CAMTA2: variants seen among roughly 807,000 people sequenced by gnomAD.
CAMTA2 encodes the protein calmodulin binding transcription activator 2.
Under a neutral mutation model 135.7 loss-of-function variants are expected in CAMTA2, and 56 were observed. The ratio of observed to expected loss-of-function variants is 0.41; its 90% CI spans 0.33 to 0.52. CAMTA2 has a LOEUF of 0.52. Among genes scored for constraint, CAMTA2 ranks in the 20% least tolerant of loss-of-function variants. The pLI is 0.16. For synonymous variants in CAMTA2, 591 were observed against 604.6 expected (o/e 0.98, Z 0.33); for missense variants, 1,358 against 1,553.4 (o/e 0.87, Z 2.11).
At chr17:4,982,691 T>G in intron 5 of CAMTA2, 66 bp downstream of exon 5, 1 of 1,581,874 alleles carries the variant, frequency 6.3e-7, no homozygotes, top group East Asian at 2.2e-5. Context: ...CAGGTCGGGC[T>G]AGAGCCCAGC....
rs1345349902 is a variant in CAMTA2, at chr17:4,980,989, T to G, written c.700+236A>C. ...ACTGGTGGTGCTGAGGGGACAGGAA[T>G]TGCTGAAGGTAGAAGACAGGAAGGG... On this transcript the variant is annotated intron_variant, in intron 8 of 22. Transcript: ENST00000348066. The surrounding 1 kb of genome is among the most constrained non-coding windows in gnomAD (Gnocchi z 5.3). 1.3e-5 allele frequency among the ~76,000 whole-genome samples: 2 copies of G among 152,010 alleles called. No individual in the cohort carries two copies. The highest frequency in any genetic ancestry group is 2.9e-5 in the Non-Finnish European group (2 of 67,990).
chr17:4,980,026 T>C lies in CAMTA2; in HGVS notation c.1296A>G (p.Ser432=). ...QAAARGPPPQ[S]VAGGRRGNCF... ...AGTTTCCTCTTCTCCCACCTGCTAC[T>C]GACTGTGGTGGGGGACCCCGAGCAG... Residue 432 remains serine, a synonymous_variant, in exon 9 of 23, where the codon TCA becomes TCG. Transcript: ENST00000348066. This position sits in a 1 kb window ranked among gnomAD's most constrained non-coding sequence, Gnocchi z 5.3. 1 of 1,613,760 alleles carries C rather than the reference T, an allele frequency of 6.2e-7. No individual in the cohort carries two copies.
intron 12 of CAMTA2, 29 bp from the exon 13 acceptor site, chr17:4,973,798 C>A (rs1229726807): frequency 6.4e-7 from 1 of 1,551,202 alleles, no homozygotes; most frequent in South Asian, 1.2e-5. Flanking sequence ...TAGGCAGAGA[C>A]CCAGGTATCT....
chr17:4,977,001 A>T, intron 11 of CAMTA2, 57 bp downstream of exon 11: 4 of 1,592,180 alleles, frequency 2.5e-6, no homozygotes, highest in Non-Finnish European at 3.4e-6. Context: ...GTCTAGGAGC[A>T]TGTCATGCTT....
At chr17:4,973,403 CAA>C (rs1181697003) in intron 13 of CAMTA2, 150 bp from the exon 14 acceptor site, 41 of 873,442 alleles carry the variant, frequency 4.7e-5, no homozygotes, top group East Asian at 4.6e-4. Context: ...GTCAAGAAGT[CAA>C]AGTGTTGTAA....
In CAMTA2 at chr17:4,970,539, GGAA is replaced by G. The variant is rs2151160376; in HGVS notation, c.2809-6_2809-4del. 6.2e-7 allele frequency: 1 copy of G among 1,607,034 alleles called. No homozygotes were observed. The highest frequency in any genetic ancestry group is 8.5e-7 in the Non-Finnish European group (1 of 1,179,140). ...TTGGCTAGTGAGATCATGTCCACCT[GGAA>G]GAAGGGAGAAGCTGAGTGAGTCCTT... On this transcript the variant is annotated splice_region_variant and splice_polypyrimidine_tract_variant and intron_variant, in intron 16 of 22. Transcript: ENST00000348066.
chr17:4,981,300 C>G lies in CAMTA2; in HGVS notation c.625G>C (p.Val209Leu). Residue 209 changes from valine (V) to leucine (L), a missense_variant, in exon 8 of 23, where the codon GTG (valine) becomes CTG (leucine). Physicochemically the swap from Val to Leu is conservative, Grantham distance 32. Transcript: ENST00000348066. ...GTEEFSVEHL[V>L]QQILDTHPTK... is the part of the protein sequence containing the mutation. The stretch of plus-strand genomic sequence containing the variant: ...GGGTGGGTGTCCAAAATCTGCTGCA[C>G]CAGGTGTTCTACAGAGAACTCTTCT... The G allele has an allele frequency of 6.2e-7, 1 of 1,614,144 alleles. No individual in the cohort carries two copies. Among genetic ancestry groups the G allele is most frequent in the Middle Eastern group, 1.7e-4 (1 of 6,058 alleles).
chr17:4,984,095 C>G (rs528799112), intron 3 of CAMTA2, among the ~76,000 whole-genome samples: 1 of 152,064 alleles, frequency 6.6e-6, no homozygotes, highest in Non-Finnish European at 1.5e-5. Flanking sequence ...GGACTACAGG[C>G]GCCCACGACC....
At chr17:4,971,131 G>A (rs1475172840) in intron 16 of CAMTA2, among the ~76,000 whole-genome samples, 2 of 152,170 alleles carry the variant, frequency 1.3e-5, no homozygotes, top group African/African-American at 2.4e-5. Flanking sequence ...AGAAGTACAA[G>A]GCTATACTTG....
chr17:4,981,993 A>C, intron 6 of CAMTA2, 96 bp downstream of exon 6: 1 of 1,275,134 alleles, frequency 7.8e-7, no homozygotes, highest in Admixed American at 1.7e-5. Context: ...TCCTTTCCTC[A>C]CTCAGAACTC....
chr17:4,973,438 A>G, intron 13 of CAMTA2, 147 bp downstream of exon 13: 1 of 923,020 alleles, frequency 1.1e-6, no homozygotes, highest in Admixed American at 2.2e-5. Flanking sequence ...AAGTTCCCCA[A>G]AATATAAGTC....
chr17:4,968,034 AG>A lies in CAMTA2; in HGVS notation c.*721del, dbSNP rs990229337. 3.7e-5 allele frequency: 21 copies of A among 566,068 alleles called. No homozygotes were observed. Among genetic ancestry groups the A allele is most frequent in the Non-Finnish European group, 5.7e-5 (18 of 316,476 alleles). 35.1% of individuals were successfully genotyped at this position (566,068 alleles called of 1,614,324 possible). ...GTTTAATGGCAATTCGTATAAACCA[AG>A]CCCATGCACAAGTAGAAAGTGCCCG... is the stretch of plus-strand genomic sequence containing the variant. On this transcript the variant is annotated 3_prime_UTR_variant, in exon 23 of 23. Transcript: ENST00000348066.
chr17:4,969,000 G>C lies in CAMTA2; in HGVS notation c.3471-19C>G. Reference sequence around the variant, plus strand: ...GGAGCCTCTGGTGAAAGAAACAAAAGATGGACCTCACAGAAGGCATCGCAT... The same window carrying C: ...GGAGCCTCTGGTGAAAGAAACAAAACATGGACCTCACAGAAGGCATCGCAT... On this transcript the variant is annotated intron_variant, in intron 21 of 22. Transcript: ENST00000348066. 6.2e-7 allele frequency: 1 copy of C among 1,613,240 alleles called. No homozygotes were observed. Among genetic ancestry groups the C allele is most frequent in the Non-Finnish European group, 8.5e-7 (1 of 1,179,488 alleles).
chr17:4,968,104 C>T lies in CAMTA2; in HGVS notation c.*652G>A. ...CCCGCCGCGCTAGAGAACCACAAGC[C>T]CGGCCGTGCAGCCCTCCCCGCGGCG... is the stretch of plus-strand genomic sequence containing the variant. On this transcript the variant is annotated 3_prime_UTR_variant, in exon 23 of 23. Transcript: ENST00000348066. The T allele has an allele frequency of 2.1e-6, 1 of 480,226 alleles. No individual in the cohort carries two copies. The highest frequency in any genetic ancestry group is 2.5e-5 in the South Asian group (1 of 40,170). The allele number at this position is 480,226 out of a possible 1,614,324, so 29.7% of individuals were successfully genotyped here.
intron 11 of CAMTA2, among the ~76,000 whole-genome samples, chr17:4,976,456 T>C (rs1231830165): frequency 6.6e-6 from 1 of 152,038 alleles, no homozygotes; most frequent in Non-Finnish European, 1.5e-5. Context: ...CCCAACACTT[T>C]GGTAGACCAA....
rs745990971 is a variant in CAMTA2, at chr17:4,970,487, C to T, written c.2858G>A (p.Arg953Gln). The T allele has an allele frequency of 3.7e-5, 60 of 1,613,858 alleles. No homozygotes were observed. The highest frequency in any genetic ancestry group is 5.3e-5 in the African/African-American group (4 of 74,938). ...AKQIIEATPE[R>Q]IKREDFVGLP... ...CCCCACGAAGTCCTCTCGTTTAATC[C>T]GCTCCGGTGTGGCTTCGATGATCTG... Residue 953 changes from arginine to glutamine, a missense_variant, in exon 17 of 23, where the codon CGG becomes CAG. Physicochemically the swap from Arg to Gln is conservative, Grantham distance 43 (BLOSUM62 1). This residue lies in a region of CAMTA2 where 1,077 missense variants were observed against 1,127.5 expected (regional missense o/e 0.96). Coordinates refer to ENST00000348066, the MANE Select transcript of CAMTA2 (RefSeq NM_015099.4).
At chr17:4,976,135 A>C (rs1403900497) in intron 11 of CAMTA2, among the ~76,000 whole-genome samples, 2 of 151,984 alleles carry the variant, frequency 1.3e-5, no homozygotes, top group African/African-American at 4.8e-5. Context: ...CCTCCTGAGT[A>C]GCTGGGACTA....
intron 14 of CAMTA2, 90 bp from the exon 15 acceptor site, chr17:4,973,081 C>T: frequency 6.7e-7 from 1 of 1,503,202 alleles, no homozygotes; most frequent in Non-Finnish European, 9.3e-7. Context: ...GGCCCCAGCC[C>T]ACCCCACTCC....
chr17:4,987,552 G>C (rs1361809368), intron 1 of CAMTA2, 41 bp downstream of exon 1: 4 of 1,505,300 alleles, frequency 2.7e-6, no homozygotes, highest in Non-Finnish European at 3.5e-6. Flanking sequence ...GCGCCCTCTG[G>C]CGCGGGGGCG....
Sources: allele counts gnomAD v4.1 joint callset (sites outside exome capture counted in the v4.1 genomes callset), GRCh38; gene constraint gnomAD v4.1.1; regional missense constraint gnomAD v4.1.1; non-coding constraint Gnocchi (gnomAD v3.1); transcripts MANE v1.5; gene names NCBI Gene and HGNC (gene_info 2026-07-23, HGNC 2026-07-21).